The following RBFOX1 variants were observed in gnomAD, a reference collection of about 807,000 sequenced individuals.
The protein encoded by RBFOX1 is RNA binding protein fox-1 homolog 1.
A neutral mutation model predicts 57.7 loss-of-function variants in RBFOX1; 8 were observed. That is an observed-to-expected ratio of 0.14 (90% CI 0.08 to 0.25). The LOEUF is 0.25. Among genes scored for constraint, RBFOX1 ranks in the 10% least tolerant of loss-of-function variants. The pLI is 1.00. For synonymous variants in RBFOX1, 326 were observed against 222.4 expected (o/e 1.47, Z -4.15); for missense variants, 611 against 548.5 (o/e 1.11, Z -1.14).
At chr16:6,444,374 G>A (rs1330186720) in intron 2 of RBFOX1, among the ~76,000 whole-genome samples, 1 of 152,124 alleles carries the variant, frequency 6.6e-6, no homozygotes, top group African/African-American at 2.4e-5. Context: ...ATCTTGAATT[G>A]TAACTTCCAC....
At chr16:6,836,992 C>T (rs1391296226) in intron 3 of RBFOX1, among the ~76,000 whole-genome samples, 2 of 152,110 alleles carry the variant, frequency 1.3e-5, no homozygotes, top group South Asian at 4.1e-4. Flanking sequence ...GAATGACTCA[C>T]ATAGCTTCTC....
intron 3 of RBFOX1, among the ~76,000 whole-genome samples, chr16:7,007,579 A>T (rs1156703226): frequency 1.3e-5 from 2 of 151,868 alleles, no homozygotes; most frequent in Admixed American, 1.3e-4. Flanking sequence ...ATTGTTAAAC[A>T]CCCTCCCATC....
intron 4 of RBFOX1, among the ~76,000 whole-genome samples, chr16:7,108,026 G>T (rs548163008): frequency 2.0e-5 from 3 of 151,300 alleles, no homozygotes; most frequent in African/African-American, 7.3e-5. Flanking sequence ...AGATTGGGGG[G>T]GAGAGGGTAG....
rs183839945 is a variant in RBFOX1 at position 6,173,953 on chromosome 16, A to G, written c.-126-143042A>G. 1.1e-3 allele frequency among the ~76,000 whole-genome samples: 167 copies of G among 152,194 alleles called. 1 individual carries two copies. Among genetic ancestry groups the G allele is most frequent in the African/African-American group, 3.7e-3 (154 of 41,528 alleles). On this transcript the variant is annotated intron_variant, in intron 1 of 15. Transcript: ENST00000550418. ...AAGAGCTGTCCCTTTTGAAGTCATT[A>G]AAGTTACAGAGTCCTTCACAGTGAT... is the stretch of plus-strand genomic sequence containing the variant.
At chr16:5,818,785 T>A (rs544897549) in intron 3 of RBFOX1, among the ~76,000 whole-genome samples, 1 of 152,148 alleles carries the variant, frequency 6.6e-6, no homozygotes, top group Non-Finnish European at 1.5e-5. Flanking sequence ...CCCCTGAGCA[T>A]TGGATCCCTG....
chr16:5,781,104 C>G (rs1032314560), intron 3 of RBFOX1, among the ~76,000 whole-genome samples: 1 of 152,126 alleles, frequency 6.6e-6, no homozygotes, highest in Non-Finnish European at 1.5e-5. Context: ...AAAACTAGGT[C>G]CTAAGGGAAC....
intron 3 of RBFOX1, among the ~76,000 whole-genome samples, chr16:7,036,866 T>A (rs142203320): frequency 4.6e-5 from 7 of 151,888 alleles, no homozygotes; most frequent in East Asian, 3.9e-4. Flanking sequence ...CTCATCAGAG[T>A]GGATGATGAG....
chr16:5,240,062 G>A (rs1276210785), exon 1 of RBFOX1: 1 of 1,532,072 alleles, frequency 6.5e-7, no homozygotes, highest in Non-Finnish European at 8.7e-7. Context: ...CCGCGGCCGG[G>A]CAGGGAGGAG....
chr16:7,078,003 G>A (rs1358379920), intron 4 of RBFOX1, among the ~76,000 whole-genome samples: 1 of 152,164 alleles, frequency 6.6e-6, no homozygotes, highest in Non-Finnish European at 1.5e-5. Flanking sequence ...GGGGCCCGGT[G>A]AATGGAGCAT....
intron 9 of RBFOX1, among the ~76,000 whole-genome samples, chr16:7,603,660 T>C (rs1183822876): frequency 2.0e-5 from 3 of 152,146 alleles, no homozygotes; most frequent in African/African-American, 7.2e-5. Flanking sequence ...GACTTTGATA[T>C]ACGGTGGTCT....
intron 1 of RBFOX1, among the ~76,000 whole-genome samples, chr16:5,459,494 G>A (rs1056275730): frequency 2.6e-5 from 4 of 151,546 alleles, no homozygotes; most frequent in African/African-American, 4.8e-5. Context: ...CCAGGCTCAC[G>A]TGACCAACCG....
chr16:7,298,431 G>T (rs2095951433), intron 4 of RBFOX1, among the ~76,000 whole-genome samples: 1 of 151,938 alleles, frequency 6.6e-6, no homozygotes, highest in Non-Finnish European at 1.5e-5. Context: ...TGGGACTACA[G>T]ATGCGTGCGA....
chr16:5,788,366 C>A (rs2054579926), intron 3 of RBFOX1, among the ~76,000 whole-genome samples: 1 of 152,114 alleles, frequency 6.6e-6, no homozygotes, highest in Non-Finnish European at 1.5e-5. Context: ...TGGTGGCTCA[C>A]ACCTGTAATC....
chr16:6,694,921 T>C (rs937219263), intron 3 of RBFOX1, among the ~76,000 whole-genome samples: 9 of 151,548 alleles, frequency 5.9e-5, no homozygotes, highest in African/African-American at 2.2e-4. Flanking sequence ...GACTAACACT[T>C]GTCAGATCTC....
At chr16:6,318,883 C>G (rs1402436135) in intron 2 of RBFOX1, among the ~76,000 whole-genome samples, 1 of 151,502 alleles carries the variant, frequency 6.6e-6, no homozygotes, top group East Asian at 1.9e-4. Flanking sequence ...GTATTGATCC[C>G]TCTTAGTGTA....
intron 3 of RBFOX1, among the ~76,000 whole-genome samples, chr16:6,856,381 T>C (rs948340478): frequency 1.3e-5 from 2 of 152,154 alleles, no homozygotes; most frequent in Non-Finnish European, 2.9e-5. Context: ...CTATGTCTCC[T>C]TGGAGTCCCT....
At chr16:5,376,365 T>A (rs918283886) in intron 1 of RBFOX1, among the ~76,000 whole-genome samples, 1 of 151,884 alleles carries the variant, frequency 6.6e-6, no homozygotes, top group East Asian at 1.9e-4. Context: ...GGACAGGAGC[T>A]CAGGTGAGGG....
At chr16:5,348,201 C>T (rs1008378840) in intron 1 of RBFOX1, among the ~76,000 whole-genome samples, 5 of 151,734 alleles carry the variant, frequency 3.3e-5, no homozygotes, top group Admixed American at 3.3e-4. Flanking sequence ...CTTCCACCCG[C>T]CCACTCACCC....
chr16:5,984,611 T>G (rs2060245095), intron 4 of RBFOX1, among the ~76,000 whole-genome samples: 2 of 152,096 alleles, frequency 1.3e-5, no homozygotes, highest in Non-Finnish European at 2.9e-5. Context: ...TTACCATGGG[T>G]CTGCACAGGG....
Sources: gnomAD v4.1 joint callset for allele counts (sites outside exome capture counted in the v4.1 genomes callset) on GRCh38, gnomAD v4.1.1 for gene constraint, MANE v1.5 for transcripts, NCBI Gene and HGNC (gene_info 2026-07-23, HGNC 2026-07-21) for gene names.